Variants in KCNIP4 observed in about 807,000 individuals in gnomAD.
KCNIP4 encodes the protein potassium voltage-gated channel interacting protein 4, also known as Kv channel-interacting protein 4.
Under a neutral mutation model 34.0 loss-of-function variants are expected in KCNIP4, and 12 were observed. The observed-to-expected ratio is 0.35, with a 90% CI of 0.23 to 0.57. The LOEUF is 0.57. Among genes scored for constraint, KCNIP4 ranks in the 20% least tolerant of loss-of-function variants. The pLI is 0.83. For missense variants in KCNIP4, 238 were observed against 311.7 expected (o/e 0.76, Z 1.78); for synonymous variants, 124 against 102.2 (o/e 1.21, Z -1.29).
chr4:20,740,583 A>C (rs1750826146), intron 5 of KCNIP4, among the ~76,000 whole-genome samples: 1 of 152,206 alleles, frequency 6.6e-6, no homozygotes, highest in African/African-American at 2.4e-5. Context: ...AGCACTAAAC[A>C]TAGAAAGGAA....
At chr4:20,985,029 C>T (rs547022222) in intron 1 of KCNIP4, among the ~76,000 whole-genome samples, 64 of 152,324 alleles carry the variant, frequency 4.2e-4, no homozygotes, top group Non-Finnish European at 6.8e-4. Flanking sequence ...GCCAGGACCA[C>T]ACTGGCTGAA....
chr4:21,733,111 T>C (rs1715728710), intron 1 of KCNIP4, among the ~76,000 whole-genome samples: 1 of 152,166 alleles, frequency 6.6e-6, no homozygotes, highest in South Asian at 2.1e-4. Context: ...TGGGCACTCA[T>C]GGATGATTTT....
chr4:21,941,255 T>C (rs564909713), intron 1 of KCNIP4, among the ~76,000 whole-genome samples: 18 of 152,254 alleles, frequency 1.2e-4, no homozygotes, highest in Admixed American at 3.9e-4. Flanking sequence ...AGACATCTTA[T>C]CATATGTAAC....
intron 1 of KCNIP4, among the ~76,000 whole-genome samples, chr4:21,066,910 T>C (rs1744448279): frequency 6.6e-6 from 1 of 152,104 alleles, no homozygotes; most frequent in South Asian, 2.1e-4. Flanking sequence ...CCTGGTGAGA[T>C]ACCAGCCGGG....
At chr4:21,181,429 T>C (rs1438749854) in intron 1 of KCNIP4, among the ~76,000 whole-genome samples, 3 of 152,126 alleles carry the variant, frequency 2.0e-5, no homozygotes, top group Admixed American at 6.6e-5. Context: ...GGTTTGATCA[T>C]CTCTAAGATT....
At chr4:21,227,232 C>T (rs148875575) in intron 1 of KCNIP4, among the ~76,000 whole-genome samples, 1 of 152,148 alleles carries the variant, frequency 6.6e-6, no homozygotes, top group Non-Finnish European at 1.5e-5. Flanking sequence ...AAAGTCATTG[C>T]TGAGAGCAGA....
At position 21,899,954 on chromosome 4, in the gene KCNIP4, T is replaced by C. The variant is rs887231570; in HGVS notation, c.61+48617A>G. 1.9e-4 allele frequency among the ~76,000 whole-genome samples: 28 copies of C among 151,116 alleles called. 1 individual carries two copies. Among genetic ancestry groups the C allele is most frequent in the Admixed American group, 4.0e-4 (6 of 15,118 alleles). On this transcript the variant is annotated intron_variant, in intron 1 of 8. Coordinates refer to ENST00000382152, the MANE Select transcript of KCNIP4 (RefSeq NM_025221.6). ...TATGGAACCACAAAAGCCAAAGCTA[T>C]CCTGAATACAAATGAAAATTAAAAA...
chr4:21,522,537 C>A (rs539828364), intron 1 of KCNIP4, among the ~76,000 whole-genome samples: 1 of 152,024 alleles, frequency 6.6e-6, no homozygotes, highest in African/African-American at 2.4e-5. Flanking sequence ...ACAGTATATT[C>A]TTTATGACTA....
chr4:21,165,693 A>G (rs1753581453), intron 1 of KCNIP4, among the ~76,000 whole-genome samples: 1 of 152,222 alleles, frequency 6.6e-6, no homozygotes, highest in Admixed American at 6.5e-5. Flanking sequence ...GTGGGACTCC[A>G]TTAAATTTGA....
intron 1 of KCNIP4, among the ~76,000 whole-genome samples, chr4:21,571,359 G>A (rs536878176): frequency 1.3e-5 from 2 of 152,160 alleles, no homozygotes; most frequent in Non-Finnish European, 2.9e-5. Flanking sequence ...ATAATGATGT[G>A]CCTGCACATC....
chr4:21,772,719 A>G lies in KCNIP4; in HGVS notation c.61+175852T>C, dbSNP rs990740885. On this transcript the variant is annotated intron_variant, in intron 1 of 8. Coordinates refer to ENST00000382152, the MANE Select transcript of KCNIP4 (RefSeq NM_025221.6). ...CTAGTTTATTTGTGTAGAGGTGTTTACATTATTCTCTGATGGTGCTTTGTA... is the reference window on the plus strand; with the variant it reads ...CTAGTTTATTTGTGTAGAGGTGTTTGCATTATTCTCTGATGGTGCTTTGTA... Among the ~76,000 whole-genome samples the G allele has an allele frequency of 4.6e-5, 7 of 152,188 alleles. No individual in the cohort carries two copies. In the East Asian group the frequency reaches 1.4e-3, roughly 29 times the overall value.
At chr4:21,303,851 A>C in intron 1 of KCNIP4, 1 of 1,614,108 alleles carries the variant, frequency 6.2e-7, no homozygotes, top group South Asian at 1.1e-5. Context: ...CAATAATTTA[A>C]CAAAAAGCAC....
chr4:21,375,086 T>G (rs1286446704), intron 1 of KCNIP4, among the ~76,000 whole-genome samples: 1 of 147,756 alleles, frequency 6.8e-6, no homozygotes, highest in Non-Finnish European at 1.5e-5. Flanking sequence ...GCAAACTTCA[T>G]GCAGATTTAA....
chr4:21,544,788 A>T (rs557104613), intron 1 of KCNIP4: 1 of 152,326 alleles, frequency 6.6e-6, no homozygotes, highest in South Asian at 2.1e-4. Flanking sequence ...ATGGGCAACC[A>T]GCAGCTGTTG....
intron 1 of KCNIP4, among the ~76,000 whole-genome samples, chr4:21,104,488 A>G (rs1425555959): frequency 2.0e-5 from 3 of 151,930 alleles, no homozygotes; most frequent in Non-Finnish European, 4.4e-5. Flanking sequence ...TAGATTCTGG[A>G]TATTAGCCCT....
chr4:21,079,159 T>C (rs1745782555), intron 1 of KCNIP4, among the ~76,000 whole-genome samples: 1 of 152,118 alleles, frequency 6.6e-6, no homozygotes, highest in African/African-American at 2.4e-5. Context: ...AGGTATCCTT[T>C]ATAGAAAGGA....
intron 1 of KCNIP4, among the ~76,000 whole-genome samples, chr4:21,631,256 G>A (rs1024869681): frequency 2.6e-5 from 4 of 152,072 alleles, no homozygotes; most frequent in Admixed American, 1.3e-4. Context: ...GAGTATATGT[G>A]GTTTGAATGA....
chr4:21,479,021 T>C (rs981024075), intron 1 of KCNIP4, among the ~76,000 whole-genome samples: 5 of 152,208 alleles, frequency 3.3e-5, no homozygotes, highest in Non-Finnish European at 5.9e-5. Flanking sequence ...GACTATAACA[T>C]GCCAATCACT....
chr4:21,057,548 C>A (rs1383348290), intron 1 of KCNIP4, among the ~76,000 whole-genome samples: 1 of 152,074 alleles, frequency 6.6e-6, no homozygotes, highest in African/African-American at 2.4e-5. Flanking sequence ...TTATAAAAAG[C>A]ATTAACCATT....
Sources: gnomAD v4.1 joint callset for allele counts (sites outside exome capture counted in the v4.1 genomes callset) on GRCh38, gnomAD v4.1.1 for gene constraint, MANE v1.5 for transcripts, NCBI Gene and HGNC (gene_info 2026-07-23, HGNC 2026-07-21) for gene names.